The following ABCC5 variants were observed in gnomAD, a reference collection of about 807,000 sequenced individuals.
ABCC5 encodes the protein ATP-binding cassette sub-family C member 5.
ABCC5 carries 61 observed loss-of-function variants against 160.9 expected under a neutral mutation model. That is an observed-to-expected ratio of 0.38 (90% confidence interval 0.31 to 0.47). The LOEUF is 0.47. Ranked by LOEUF, ABCC5 falls within the 20% of genes least tolerant of loss-of-function variation. The probability of loss-of-function intolerance (pLI) is 0.99; values close to 1 mark genes in which losing one functional copy is unlikely to be tolerated. For missense variants in ABCC5, 1,308 were observed against 1,813.3 expected (o/e 0.72, Z 5.06); for synonymous variants, 666 against 700.6 (o/e 0.95, Z 0.78).
intron 5 of ABCC5, chr3:183,985,489 C>G (rs763317235): frequency 1.1e-6 from 1 of 903,488 alleles, no homozygotes; most frequent in East Asian, 2.4e-5. Flanking sequence ...GGGTGGGAAA[C>G]TTACCTCTCT....
intron 5 of ABCC5, chr3:183,986,869 C>T (rs1719265512): frequency 6.6e-6 from 1 of 151,880 alleles, no homozygotes; most frequent in South Asian, 2.1e-4. Flanking sequence ...TATAGAAACC[C>T]AATACCAGAA....
At chr3:183,944,327 C>A (rs558897535) in intron 24 of ABCC5, among the ~76,000 whole-genome samples, 1 of 151,418 alleles carries the variant, frequency 6.6e-6, no homozygotes, top group Non-Finnish European at 1.5e-5. Flanking sequence ...CCTGGGAGAT[C>A]GAGGCTGGAC....
chr3:184,014,450 G>T lies in ABCC5; in HGVS notation c.-55-3C>A. 3 of 1,481,044 alleles carry T rather than the reference G, an allele frequency of 2.0e-6. No homozygotes were observed. Among genetic ancestry groups the T allele is most frequent in the Non-Finnish European group, 2.7e-6 (3 of 1,111,040 alleles). The allele number at this position is 1,481,044 out of a possible 1,614,324, so 91.7% of individuals were successfully genotyped here. A position where few individuals can be genotyped will look rare whatever the true frequency, so the allele number is the denominator to read the frequency against. On this transcript the variant is annotated splice_polypyrimidine_tract_variant and splice_region_variant and intron_variant, in intron 1 of 29. Coordinates refer to ENST00000334444, the MANE Select transcript of ABCC5 (RefSeq NM_005688.4). ...CTGTTAGTTTCACATCAGAATTCCTGAAATTAAAAATTCATCAAGAAATAG... is the reference window on the plus strand; with the variant it reads ...CTGTTAGTTTCACATCAGAATTCCTTAAATTAAAAATTCATCAAGAAATAG...
At position 183,951,982 on chromosome 3, in the gene ABCC5, T is replaced by A. The variant is rs1430045044; in HGVS notation, c.2689A>T (p.Asn897Tyr). The A allele has an allele frequency of 6.2e-7, 1 of 1,612,056 alleles. No individual in the cohort carries two copies. The highest frequency in any genetic ancestry group is 2.2e-5 in the East Asian group (1 of 44,802). ...GSGNTTVTRG[N>Y]ETSVSDSMKD... ...ATGCTGTCACTCACCGAGGTCTCGT[T>A]CCCTCGAGTCACAGTGGTGTTCTGT... Residue 897 changes from asparagine to tyrosine, a missense_variant, in exon 19 of 30, where the codon AAC becomes TAC. Around this residue, in one of 3 missense-constraint regions of ABCC5, gnomAD observed 1,142 missense variants for 1,527.1 expected, o/e 0.75. Coordinates refer to ENST00000334444, the MANE Select transcript of ABCC5 (RefSeq NM_005688.4). This position sits in a 1 kb window ranked among gnomAD's most constrained non-coding sequence, Gnocchi z 4.7.
chr3:183,957,696 A>C (rs1716253450), intron 17 of ABCC5, among the ~76,000 whole-genome samples: 1 of 150,844 alleles, frequency 6.6e-6, no homozygotes, highest in African/African-American at 2.4e-5. Flanking sequence ...CCGTGTGTAT[A>C]TCACATCGGT....
Position 183,927,770 on chromosome 3 carries a change from T to G in ABCC5, c.3934-327A>C, listed in dbSNP as rs187195179. ...TATGGTCTTGCAATAGGAAATAGTA[T>G]AGTAAGGAAAAGTACTCTCCTTCTG... is the stretch of plus-strand genomic sequence containing the variant. On this transcript the variant is annotated intron_variant, in intron 27 of 29. Coordinates refer to ENST00000334444, the MANE Select transcript of ABCC5 (RefSeq NM_005688.4). 331 of 985,464 alleles carry G rather than the reference T, an allele frequency of 3.4e-4. 1 individual carries two copies. In the African/African-American group the frequency reaches 5.4e-3, roughly 16 times the overall value. The allele number at this position is 985,464 out of a possible 1,614,324, so 61.0% of individuals were successfully genotyped here.
At chr3:183,938,081 C>T (rs376565556) in intron 25 of ABCC5, 21 bp from the exon 26 acceptor site, 1 of 1,611,070 alleles carries the variant, frequency 6.2e-7, no homozygotes, top group South Asian at 1.1e-5. Flanking sequence ...AGAAGACATG[C>T]AAGAGAGGAG....
intron 25 of ABCC5, 24 bp from the exon 26 acceptor site, chr3:183,938,084 G>A: frequency 6.2e-7 from 1 of 1,610,290 alleles, no homozygotes; most frequent in Non-Finnish European, 8.5e-7. Flanking sequence ...AGACATGCAA[G>A]AGAGGAGCTG....
intron 28 of ABCC5, among the ~76,000 whole-genome samples, chr3:183,925,960 G>T (rs1251130929): frequency 3.4e-4 from 50 of 148,642 alleles, no homozygotes; most frequent in African/African-American, 1.1e-3. Flanking sequence ...TGCCTCAGCC[G>T]CCTGAGTAGC....
At position 184,003,719 on chromosome 3, in the gene ABCC5, A is replaced by C. The variant is rs560987973; in HGVS notation, c.129+10545T>G. ...CACAGTAAAACAGGTATTTGTCTGC[A>C]GTTGATAATCTAGCATTACTCCATA... On this transcript the variant is annotated intron_variant, in intron 2 of 29. Transcript: ENST00000334444. Among the ~76,000 whole-genome samples the C allele has an allele frequency of 5.9e-5, 9 of 152,330 alleles. No individual in the cohort carries two copies. The East Asian group carries it at 1.5e-3, about 26-fold the overall frequency.
intron 17 of ABCC5, 124 bp from the exon 18 acceptor site, chr3:183,953,394 CT>C (rs1715566295): frequency 1.3e-6 from 1 of 781,332 alleles, no homozygotes; most frequent in Non-Finnish European, 1.9e-6. Context: ...TAGATTTCCT[CT>C]TTGTCAGAAG....
At chr3:184,002,494 T>C (rs1403373039) in intron 2 of ABCC5, among the ~76,000 whole-genome samples, 1 of 152,116 alleles carries the variant, frequency 6.6e-6, no homozygotes, top group Non-Finnish European at 1.5e-5. Flanking sequence ...CACACATTCA[T>C]AGACACCTCT....
In ABCC5 at chr3:183,965,229, G is replaced by A. The variant is rs1717105997; in HGVS notation, c.1987C>T (p.Leu663=). 4 of 1,614,226 alleles carry A rather than the reference G, an allele frequency of 2.5e-6. No homozygotes were observed. Among genetic ancestry groups the A allele is most frequent in the Non-Finnish European group, 3.4e-6 (4 of 1,180,038 alleles). Residue 663 remains leucine, a synonymous_variant, in exon 14 of 30, where the codon CTG becomes TTG. Transcript: ENST00000334444. ...GGAAGAATGGCCAGGTCAGGCCTCAGGCAGCAGCTGTTCAGCACAGAGTTG... is the reference window on the plus strand; with the variant it reads ...GGAAGAATGGCCAGGTCAGGCCTCAAGCAGCAGCTGTTCAGCACAGAGTTG... The part of the protein sequence containing the change: ...RYNSVLNSCC[L]RPDLAILPSS...
At chr3:183,956,592 G>A (rs1257928858) in intron 17 of ABCC5, among the ~76,000 whole-genome samples, 1 of 150,784 alleles carries the variant, frequency 6.6e-6, no homozygotes, top group Non-Finnish European at 1.5e-5. Context: ...TCGGTTACAT[G>A]CAGATCCGTG....
rs1443639381 is a variant in ABCC5, at chr3:183,950,099, C to T, written c.2971G>A (p.Glu991Lys). The T allele has an allele frequency of 3.1e-6, 5 of 1,613,774 alleles. No homozygotes were observed. The highest frequency in any genetic ancestry group is 4.2e-6 in the Non-Finnish European group (5 of 1,179,932). ...EVDVRLPFQA[E>K]MFIQNVILVF... is the part of the protein sequence containing the mutation. Reference sequence around the variant, plus strand: ...AGGATAACGTTCTGGATGAACATCTCGGCCTGGAACGGCAGCCGCACGTCA... The same window carrying T: ...AGGATAACGTTCTGGATGAACATCTTGGCCTGGAACGGCAGCCGCACGTCA... The change falls in exon 21 of 30, where the codon GAG (glutamate) becomes AAG (lysine). Residue 991 changes from glutamate (E) to lysine (K), a missense_variant. This residue lies in a region of ABCC5 where 1,142 missense variants were observed against 1,527.1 expected (regional missense o/e 0.75). Coordinates refer to ENST00000334444, the MANE Select transcript of ABCC5 (RefSeq NM_005688.4).
chr3:183,962,532 CTTTTTTTTT>C (rs372339240), intron 15 of ABCC5, among the ~76,000 whole-genome samples: 1 of 132,996 alleles, frequency 7.5e-6, no homozygotes, highest in South Asian at 2.5e-4. Flanking sequence ...CAGTTTTTTT[CTTTTTTTTT>C]TTTTTTTGTG....
rs184295885 is a variant in ABCC5 at position 184,008,559 on chromosome 3, A to G, written c.129+5705T>C. Among the ~76,000 whole-genome samples, 218 of 152,382 alleles carry G rather than the reference A, an allele frequency of 1.4e-3. 1 individual carries two copies. The highest frequency in any genetic ancestry group is 2.6e-3 in the Non-Finnish European group (177 of 68,034). On this transcript the variant is annotated intron_variant, in intron 2 of 29. Coordinates refer to ENST00000334444, the MANE Select transcript of ABCC5 (RefSeq NM_005688.4). The stretch of plus-strand genomic sequence containing the variant: ...CCTCAAATTGTGTGTGGCCACAAGC[A>G]TTAACATTACAGTCCCGAAGAAAGT...
intron 16 of ABCC5, among the ~76,000 whole-genome samples, chr3:183,960,191 C>T (rs995476869): frequency 1.3e-5 from 2 of 152,116 alleles, no homozygotes; most frequent in African/African-American, 2.4e-5. Flanking sequence ...GATCATTTCC[C>T]ACTGCTACCA....
chr3:184,013,922 G>C (rs1241659167), intron 2 of ABCC5, among the ~76,000 whole-genome samples: 1 of 152,136 alleles, frequency 6.6e-6, no homozygotes, highest in Non-Finnish European at 1.5e-5. Context: ...GCCCAGGCTG[G>C]AGTGCAGTGG....
Sources: allele counts gnomAD v4.1 joint callset (sites outside exome capture counted in the v4.1 genomes callset), GRCh38; gene constraint gnomAD v4.1.1; regional missense constraint gnomAD v4.1.1; non-coding constraint Gnocchi (gnomAD v3.1); transcripts MANE v1.5; gene names NCBI Gene and HGNC (gene_info 2026-07-23, HGNC 2026-07-21).